MLLT10: variants seen among roughly 807,000 people sequenced by gnomAD.
The protein encoded by MLLT10 is protein AF-10.
A neutral mutation model predicts 129.1 loss-of-function variants in MLLT10; 30 were observed. The observed-to-expected ratio is 0.23, with a 90% CI of 0.17 to 0.32. The LOEUF (loss-of-function observed/expected upper bound fraction) is 0.32, where lower values mean the gene tolerates loss of function less well. MLLT10 is among the 10% of genes least tolerant of loss of function. The pLI is 1.00. For missense variants in MLLT10, 1,119 were observed against 1,268.3 expected, an observed-to-expected ratio of 0.88 and a Z score of 1.79; for synonymous variants, 490 against 446.4, an observed-to-expected ratio of 1.10 and a Z score of -1.23.
rs374122460 is a variant in MLLT10, at chr10:21,586,311, C to A, written c.258C>A (p.Pro86=). 26 of 1,579,204 alleles carry A rather than the reference C, an allele frequency of 1.6e-5. No homozygotes were observed. The highest frequency in any genetic ancestry group is 2.2e-5 in the Non-Finnish European group (26 of 1,162,526). Residue 86 remains proline (P), a synonymous_variant, in exon 4 of 23, where the codon CCC becomes CCA. Coordinates refer to ENST00000307729, the MANE Select transcript of MLLT10 (RefSeq NM_001195626.3). ...TTTTATAGAGATGTGAACTTTGTCC[C>A]CATAAGGATGGAGCTTTAAAAAGAA... The part of the protein sequence containing the change: ...RAARVRCELC[P]HKDGALKRTD...
At chr10:21,651,906 T>A in intron 9 of MLLT10, 138 bp downstream of exon 9, 12 of 306,114 alleles carry the variant, frequency 3.9e-5, no homozygotes, top group South Asian at 7.1e-5. Context: ...CTCATTTCTT[T>A]TTTTTTTTTT....
chr10:21,573,258 G>A (rs1160267530), intron 3 of MLLT10, among the ~76,000 whole-genome samples: 1 of 152,192 alleles, frequency 6.6e-6, no homozygotes, highest in Non-Finnish European at 1.5e-5. Flanking sequence ...TAAGTCAGCT[G>A]TAGGGGTTTT....
chr10:21,535,348 C>T (rs556701564), intron 2 of MLLT10, among the ~76,000 whole-genome samples: 15 of 152,230 alleles, frequency 9.9e-5, no homozygotes, highest in South Asian at 4.1e-4. Context: ...GGATGCGGGG[C>T]CCGTTGCACC....
chr10:21,593,925 T>TAAAAA (rs1564472638), intron 4 of MLLT10, among the ~76,000 whole-genome samples: 1 of 71,982 alleles, frequency 1.4e-5, no homozygotes, highest in African/African-American at 1.3e-4. Context: ...GGCTTTGTCT[T>TAAAAA]TAAAAAAAAA....
chr10:21,700,496 G>C (rs771468597), intron 13 of MLLT10, among the ~76,000 whole-genome samples: 2 of 152,074 alleles, frequency 1.3e-5, no homozygotes, highest in East Asian at 1.9e-4. Context: ...TGTTAGCTGT[G>C]AGTTTGTCCT....
At chr10:21,552,388 CTT>C (rs1225893534) in intron 3 of MLLT10, among the ~76,000 whole-genome samples, 10 of 112,092 alleles carry the variant, frequency 8.9e-5, no homozygotes, top group Admixed American at 1.8e-4. Context: ...CTTCTTATTG[CTT>C]TTTTTTTTTT....
Position 21,551,036 on chromosome 10 carries a change from C to G in MLLT10, c.240+12124C>G, listed in dbSNP as rs549035865. On this transcript the variant is annotated intron_variant, in intron 3 of 22. Coordinates refer to ENST00000307729, the MANE Select transcript of MLLT10 (RefSeq NM_001195626.3). ...CAGGTTCAAGTGTTCAGGTGATTCT[C>G]CTGCCTTAGCCTCCTGAGTAGCTGG... Among the ~76,000 whole-genome samples, 11 of 151,482 alleles carry G rather than the reference C, an allele frequency of 7.3e-5. No individual in the cohort carries two copies. The East Asian group carries it at 1.9e-3, about 27-fold the overall frequency.
intron 17 of MLLT10, among the ~76,000 whole-genome samples, chr10:21,732,133 T>C (rs1463717240): frequency 2.0e-5 from 3 of 151,522 alleles, no homozygotes; most frequent in Non-Finnish European, 2.9e-5. Context: ...ACCAGAGGAG[T>C]TGTATCTTCT....
At chr10:21,670,973 AAAT>A (rs2131373917) in intron 10 of MLLT10, 1 of 315,864 alleles carries the variant, frequency 3.2e-6, no homozygotes, top group African/African-American at 2.2e-5. Flanking sequence ...ATAATGCTTA[AAAT>A]TGGGGAGAAA....
chr10:21,739,601 T>G (rs1229373229), intron 21 of MLLT10, among the ~76,000 whole-genome samples: 2 of 152,178 alleles, frequency 1.3e-5, no homozygotes, highest in Non-Finnish European at 2.9e-5. Flanking sequence ...AGGAAATCTA[T>G]AAATATACGC....
chr10:21,697,864 A>T (rs919733394), intron 13 of MLLT10, among the ~76,000 whole-genome samples: 3 of 152,184 alleles, frequency 2.0e-5, no homozygotes, highest in African/African-American at 7.2e-5. Context: ...TAACAACAGA[A>T]GTGTTTCTGT....
chr10:21,564,786 T>C (rs1413226428), intron 3 of MLLT10, among the ~76,000 whole-genome samples: 1 of 149,784 alleles, frequency 6.7e-6, no homozygotes, highest in Non-Finnish European at 1.5e-5. Flanking sequence ...ATCGCACCAT[T>C]GCACTCTAGC....
chr10:21,619,482 G>GT (rs1410121124), intron 8 of MLLT10, among the ~76,000 whole-genome samples: 2 of 152,136 alleles, frequency 1.3e-5, no homozygotes, highest in African/African-American at 4.8e-5. Context: ...ATGACTACAC[G>GT]TATAGATCTT....
At chr10:21,741,025 G>GTGTT (rs1738449083) in intron 22 of MLLT10, among the ~76,000 whole-genome samples, 1 of 152,232 alleles carries the variant, frequency 6.6e-6, no homozygotes, top group African/African-American at 2.4e-5. Flanking sequence ...CAAAGTTGCA[G>GTGTT]TGTTTGCTGT....
Position 21,682,225 on chromosome 10 carries a change from C to CTAAAAA in MLLT10, c.1667_1668insTAAAAA (p.Thr556_Phe557insLysLys). The CTAAAAA allele has an allele frequency of 1.2e-6, 2 of 1,609,980 alleles. No homozygotes were observed. The highest frequency in any genetic ancestry group is 2.2e-5 in the South Asian group (2 of 90,252). ...AAGTCCTTTTTTCCTTACTTAAAAG[C>CTAAAAA]GTTCTCAGAGTTGCTGAATGCAATA... On this transcript the variant is annotated inframe_insertion and splice_region_variant, in exon 13 of 23. Transcript: ENST00000307729.
At chr10:21,547,450 G>T (rs2036273014) in intron 3 of MLLT10, among the ~76,000 whole-genome samples, 1 of 149,052 alleles carries the variant, frequency 6.7e-6, no homozygotes, top group African/African-American at 2.5e-5. Context: ...TGCCCAGGCT[G>T]GTCTGGAACT....
chr10:21,594,492 G>A (rs1002167625), intron 4 of MLLT10, among the ~76,000 whole-genome samples: 3 of 150,344 alleles, frequency 2.0e-5, no homozygotes, highest in Admixed American at 6.7e-5. Context: ...GGCGGAGGTC[G>A]CGGTGAGACG....
intron 3 of MLLT10, among the ~76,000 whole-genome samples, chr10:21,577,632 G>T (rs567792245): frequency 6.6e-6 from 1 of 151,344 alleles, no homozygotes; most frequent in Admixed American, 6.6e-5. Flanking sequence ...CCATCATGCC[G>T]GGCTAATTTT....
At chr10:21,722,945 A>T (rs950325426) in intron 14 of MLLT10, among the ~76,000 whole-genome samples, 2 of 152,018 alleles carry the variant, frequency 1.3e-5, no homozygotes, top group African/African-American at 4.8e-5. Flanking sequence ...CACCAAAATG[A>T]CTCTATCTGG....
Sources: allele counts gnomAD v4.1 joint callset (sites outside exome capture counted in the v4.1 genomes callset), GRCh38; gene constraint gnomAD v4.1.1; transcripts MANE v1.5; gene names NCBI Gene and HGNC (gene_info 2026-07-23, HGNC 2026-07-21).